NCOR1: variants seen among roughly 807,000 people sequenced by gnomAD.
NCOR1 encodes nuclear receptor corepressor 1.
In NCOR1, 63 loss-of-function variants were observed where a neutral mutation model predicts 288.1. The observed-to-expected ratio is 0.22, with a 90% CI of 0.18 to 0.27. The LOEUF (loss-of-function observed/expected upper bound fraction) is 0.27. Among genes scored for constraint, NCOR1 ranks in the 10% least tolerant of loss-of-function variants. The probability of loss-of-function intolerance (pLI) is 1.00; values close to 1 mark genes in which losing one functional copy is unlikely to be tolerated. For synonymous variants in NCOR1, 1,007 were observed against 1,065.9 expected (o/e 0.94, Z 1.08); for missense variants, 2,397 against 3,019.2 (o/e 0.79, Z 4.83).
At chr17:16,153,039 T>C (rs1335558819) in intron 7 of NCOR1, among the ~76,000 whole-genome samples, 1 of 152,178 alleles carries the variant, frequency 6.6e-6, no homozygotes, top group Non-Finnish European at 1.5e-5. Context: ...TATTAACCAT[T>C]GTCACTATTT....
chr17:16,185,268 G>C (rs1384964900), intron 3 of NCOR1, among the ~76,000 whole-genome samples: 1 of 151,904 alleles, frequency 6.6e-6, no homozygotes, highest in Admixed American at 6.6e-5. Context: ...AAAAACAAAA[G>C]CAAAAATAAA....
At chr17:16,095,338 C>A (rs1441797666) in intron 21 of NCOR1, among the ~76,000 whole-genome samples, 1 of 150,106 alleles carries the variant, frequency 6.7e-6, no homozygotes, top group Non-Finnish European at 1.5e-5. Flanking sequence ...GCTGCCACCC[C>A]GTCTGGGAAG....
intron 22 of NCOR1, among the ~76,000 whole-genome samples, chr17:16,090,886 T>C (rs1212283393): frequency 6.6e-6 from 1 of 152,202 alleles, no homozygotes; most frequent in Non-Finnish European, 1.5e-5. Flanking sequence ...CTAATAGCTC[T>C]TATTTAGCTA....
At position 16,032,392 on chromosome 17, in the gene NCOR1, G is replaced by C; in HGVS notation, c.7227C>G (p.Asn2409Lys). 2 of 1,614,126 alleles carry C rather than the reference G, an allele frequency of 1.2e-6. No individual in the cohort carries two copies. The highest frequency in any genetic ancestry group is 1.7e-6 in the Non-Finnish European group (2 of 1,180,010). Residue 2409 changes from asparagine (N) to lysine (K), a missense_variant, in exon 46 of 46, where the codon AAC (asparagine) becomes AAG (lysine). Physicochemically the swap from Asn to Lys is moderately conservative, Grantham distance 94. Transcript: ENST00000268712. Reference sequence around the variant, plus strand: ...TGTTCTGTTGGTGAGGAGCTGCTTGGTTCACCGCAGAGGGAGCACATGCAA... The same window carrying C: ...TGTTCTGTTGGTGAGGAGCTGCTTGCTTCACCGCAGAGGGAGCACATGCAA... The part of the protein sequence containing the change: ...TPIACAPSAV[N>K]QAAPHQQNRI...
chr17:16,118,336 G>C (rs1361498087), intron 17 of NCOR1, among the ~76,000 whole-genome samples: 1 of 152,038 alleles, frequency 6.6e-6, no homozygotes, highest in African/African-American at 2.4e-5. Flanking sequence ...TCAAATACTT[G>C]CAAACTAAAT....
intron 3 of NCOR1, among the ~76,000 whole-genome samples, chr17:16,185,741 G>A (rs950996900): frequency 4.0e-5 from 6 of 149,400 alleles, no homozygotes; most frequent in African/African-American, 1.5e-4. Flanking sequence ...AGGGGTGGGT[G>A]GATCACTTGA....
chr17:16,211,828 C>T (rs1568721579), intron 1 of NCOR1, among the ~76,000 whole-genome samples: 1 of 152,134 alleles, frequency 6.6e-6, no homozygotes, highest in Non-Finnish European at 1.5e-5. Flanking sequence ...AAAACAGATG[C>T]TCCACATACG....
chr17:16,129,552 G>C (rs554303137), intron 14 of NCOR1, among the ~76,000 whole-genome samples: 3 of 152,254 alleles, frequency 2.0e-5, no homozygotes, highest in Admixed American at 2.0e-4. Flanking sequence ...ACCATGAGTA[G>C]GTCTGCTTTA....
At chr17:16,192,947 C>T (rs989002401) in intron 2 of NCOR1, among the ~76,000 whole-genome samples, 1 of 152,034 alleles carries the variant, frequency 6.6e-6, no homozygotes, top group Non-Finnish European at 1.5e-5. Flanking sequence ...CAGAATAGTT[C>T]CCATGAAGCT....
chr17:16,179,915 G>GCCA (rs2085029032), intron 3 of NCOR1, among the ~76,000 whole-genome samples: 1 of 138,206 alleles, frequency 7.2e-6, no homozygotes, highest in Admixed American at 7.8e-5. Context: ...CCAAGATCGT[G>GCCA]CCACTGCACT....
In NCOR1 at chr17:16,034,831, G is replaced by T; in HGVS notation, c.7069C>A (p.His2357Asn). Reference sequence around the variant, plus strand: ...TGCCTATGGTAATCCCCTTCTGAATGTACAGAGGAGACTGAAGAGGGCCGT... The same window carrying T: ...TGCCTATGGTAATCCCCTTCTGAATTTACAGAGGAGACTGAAGAGGGCCGT... ...TERPSSVSSV[H>N]SEGDYHRQTP... Residue 2357 changes from histidine to asparagine, a missense_variant, in exon 45 of 46, where the codon CAT becomes AAT. This residue lies in a region of NCOR1 where 1,872 missense variants were observed against 2,187.8 expected (regional missense o/e 0.86). Coordinates refer to ENST00000268712, the MANE Select transcript of NCOR1 (RefSeq NM_006311.4). The T allele has an allele frequency of 1.9e-6, 3 of 1,614,070 alleles. No homozygotes were observed. The highest frequency in any genetic ancestry group is 2.5e-6 in the Non-Finnish European group (3 of 1,179,986).
intron 1 of NCOR1, among the ~76,000 whole-genome samples, chr17:16,199,108 C>T (rs757331556): frequency 6.7e-5 from 10 of 149,976 alleles, no homozygotes; most frequent in Non-Finnish European, 3.0e-5. Flanking sequence ...CTTCCTTGTC[C>T]GTTTTGTGGT....
At position 16,104,182 on chromosome 17, in the gene NCOR1, A is replaced by T. The variant is rs183232113; in HGVS notation, c.2183-2425T>A. On this transcript the variant is annotated intron_variant, in intron 19 of 45. Transcript: ENST00000268712. ...AAGACAGAGATCATTTATTTTGATT[A>T]TCACTTAAGTACTAGCCTGGTACAC... 1.4e-3 allele frequency among the ~76,000 whole-genome samples: 217 copies of T among 152,356 alleles called. 1 individual carries two copies. The highest frequency in any genetic ancestry group is 0.013 in the Admixed American group (198 of 15,300).
At chr17:16,191,590 T>TAA (rs35992976) in intron 2 of NCOR1, among the ~76,000 whole-genome samples, 69,048 of 150,996 alleles carry the variant, frequency 0.46, 16,683 homozygotes, top group Middle Eastern at 0.58. Context: ...CTAATGGATT[T>TAA]AAAAAAAATA....
intron 23 of NCOR1, among the ~76,000 whole-genome samples, chr17:16,081,362 GA>G (rs1023418587): frequency 1.8e-5 from 2 of 111,958 alleles, no homozygotes; most frequent in Non-Finnish European, 3.5e-5. Context: ...AAGGCTTGTA[GA>G]AATCTGGAAA....
intron 22 of NCOR1, among the ~76,000 whole-genome samples, chr17:16,087,556 C>G (rs1315447198): frequency 6.6e-6 from 1 of 152,184 alleles, no homozygotes; most frequent in Non-Finnish European, 1.5e-5. Flanking sequence ...CGAGTTTTCC[C>G]TTTAAAGGAA....
chr17:16,158,711 C>T (rs770837745), intron 6 of NCOR1, 49 bp downstream of exon 6: 8 of 1,133,294 alleles, frequency 7.1e-6, no homozygotes, highest in Middle Eastern at 2.0e-4. Context: ...AAAAGGGCAT[C>T]GTCAAGTGGG....
At position 16,061,822 on chromosome 17, in the gene NCOR1, G is replaced by A; in HGVS notation, c.5460C>T (p.Ala1820=). The A allele has an allele frequency of 6.2e-7, 1 of 1,614,192 alleles. No homozygotes were observed. Among genetic ancestry groups the A allele is most frequent in the Non-Finnish European group, 8.5e-7 (1 of 1,180,022 alleles). Residue 1820 remains alanine (A), a synonymous_variant, in exon 37 of 46, where the codon GCC becomes GCT. Transcript: ENST00000268712. ...PASRYNTAAD[A]LAALVDAAAS... ...CTGCAGCATCCACAAGAGCAGCCAG[G>A]GCATCCGCAGCAGTGTTGTAACGGG...
At chr17:16,210,022 C>A (rs780786054) in intron 1 of NCOR1, among the ~76,000 whole-genome samples, 1 of 151,824 alleles carries the variant, frequency 6.6e-6, no homozygotes, top group African/African-American at 2.4e-5. Flanking sequence ...ATCCTTCATA[C>A]TTAAAAAAAA....
Sources: gnomAD v4.1 joint callset for allele counts (sites outside exome capture counted in the v4.1 genomes callset) on GRCh38, gnomAD v4.1.1 for gene constraint, gnomAD v4.1.1 regional missense constraint, MANE v1.5 for transcripts, NCBI Gene and HGNC (gene_info 2026-07-23, HGNC 2026-07-21) for gene names.